The following CCDC82 variants were observed in gnomAD, a reference collection of about 807,000 sequenced individuals.
The protein encoded by CCDC82 is coiled-coil domain containing 82.
CCDC82 carries 47 observed loss-of-function variants against 60.6 expected under a neutral mutation model. The ratio of observed to expected loss-of-function variants is 0.77; its 90% CI spans 0.61 to 0.99. The LOEUF (loss-of-function observed/expected upper bound fraction) is 0.99, where lower values mean the gene tolerates loss of function less well. Ranked by LOEUF, CCDC82 falls within the 50% of genes least tolerant of loss-of-function variation. The pLI, the probability that CCDC82 is intolerant of heterozygous loss-of-function variation, is 0.00. For synonymous variants in CCDC82, 212 were observed against 207.4 expected, an observed-to-expected ratio of 1.02 and a Z score of -0.19; for missense variants, 588 against 633.0, an observed-to-expected ratio of 0.93 and a Z score of 0.76.
At chr11:96,380,515 C>T (rs932603587) in intron 5 of CCDC82, 1 of 151,692 alleles carries the variant, frequency 6.6e-6, no homozygotes, top group Non-Finnish European at 1.5e-5. Context: ...AACTTATGTC[C>T]ATAGAAAAAC....
chr11:96,364,611 A>C (rs1434410081), intron 8 of CCDC82: 1 of 154,286 alleles, frequency 6.5e-6, no homozygotes, highest in Non-Finnish European at 1.4e-5. Flanking sequence ...TAAGATTGAA[A>C]AAATAAATAG....
At chr11:96,364,693 C>T (rs1864853632) in intron 8 of CCDC82, 1 of 213,082 alleles carries the variant, frequency 4.7e-6, no homozygotes, top group South Asian at 1.1e-4. Context: ...AACACTTACT[C>T]TTCAGTTTTT....
At chr11:96,375,705 A>G (rs567117053) in intron 5 of CCDC82, among the ~76,000 whole-genome samples, 75 of 152,316 alleles carry the variant, frequency 4.9e-4, no homozygotes, top group Middle Eastern at 6.8e-3. Flanking sequence ...CTGGAACCCC[A>G]TCTAAGTCCA....
chr11:96,379,465 TAAC>T (rs139441179), intron 5 of CCDC82, among the ~76,000 whole-genome samples: 2,262 of 151,890 alleles, frequency 0.015, 59 homozygotes, highest in African/African-American at 0.051. Flanking sequence ...TATAGGAACT[TAAC>T]AATGAGTTCC....
At chr11:96,371,234 CA>C in intron 6 of CCDC82, 97 bp from the exon 7 acceptor site, 2 of 772,518 alleles carry the variant, frequency 2.6e-6, no homozygotes, top group Non-Finnish European at 1.9e-6. Flanking sequence ...TGGTTGGAAG[CA>C]TTTTAAATTA....
intron 5 of CCDC82, among the ~76,000 whole-genome samples, chr11:96,379,319 C>G (rs1865749002): frequency 6.6e-6 from 1 of 151,758 alleles, no homozygotes; most frequent in Non-Finnish European, 1.5e-5. Context: ...AAAATATCAA[C>G]TCAATCATAA....
chr11:96,365,876 T>A (rs2136107181), intron 7 of CCDC82, among the ~76,000 whole-genome samples: 1 of 151,788 alleles, frequency 6.6e-6, no homozygotes, highest in Admixed American at 6.5e-5. Context: ...ATATTTGAAC[T>A]GCACACAGTG....
At position 96,371,065 on chromosome 11, in the gene CCDC82, T is replaced by G. The variant is rs1353352572; in HGVS notation, c.1157A>C (p.Gln386Pro). 1 of 1,607,930 alleles carries G rather than the reference T, an allele frequency of 6.2e-7. No individual in the cohort carries two copies. Among genetic ancestry groups the G allele is most frequent in the Non-Finnish European group, 8.5e-7 (1 of 1,177,426 alleles). Residue 386 changes from glutamine (Q) to proline (P), a missense_variant, in exon 7 of 10, where the codon CAG (glutamine) becomes CCG (proline). Gln to Pro is a moderately conservative substitution (Grantham distance 76). Coordinates refer to ENST00000646818, the MANE Select transcript of CCDC82 (RefSeq NM_024725.4). Reference sequence around the variant, plus strand: ...AGATACCAAGCTCTCTAGACGAGGCTGAACAAAGCGGTTATCCAAATAATG... The same window carrying G: ...AGATACCAAGCTCTCTAGACGAGGCGGAACAAAGCGGTTATCCAAATAATG... The part of the protein sequence containing the change: ...SLHYLDNRFV[Q>P]PRLESLVSRS...
At chr11:96,370,214 T>C (rs1865187843) in intron 7 of CCDC82, among the ~76,000 whole-genome samples, 1 of 152,214 alleles carries the variant, frequency 6.6e-6, no homozygotes, top group African/African-American at 2.4e-5. Context: ...GAACTAATGA[T>C]TTAAGTGCTA....
chr11:96,380,110 T>C (rs1865790535), intron 5 of CCDC82, among the ~76,000 whole-genome samples: 1 of 151,748 alleles, frequency 6.6e-6, no homozygotes. Flanking sequence ...TAAAGGTATT[T>C]TGGCAATTAG....
Position 96,384,652 on chromosome 11 carries a change from ACTT to A in CCDC82, c.93_95del (p.Arg31del), listed in dbSNP as rs1190726603. ...CACTATCAAGTAATTGTGAGATACT[ACTT>A]CTTTTAGTTCGCCTCCAATCAACTC... On this transcript the variant is annotated inframe_deletion, in exon 4 of 10. Coordinates refer to ENST00000646818, the MANE Select transcript of CCDC82 (RefSeq NM_024725.4). 3 of 1,613,430 alleles carry A rather than the reference ACTT, an allele frequency of 1.9e-6. No homozygotes were observed. Among genetic ancestry groups the A allele is most frequent in the African/African-American group, 2.7e-5 (2 of 74,890 alleles).
chr11:96,358,886 A>G, intron 9 of CCDC82, 107 bp downstream of exon 9: 1 of 1,087,672 alleles, frequency 9.2e-7, no homozygotes, highest in Non-Finnish European at 1.3e-6. Context: ...ACGACAGAAG[A>G]AAGAGATTCT....
intron 7 of CCDC82, among the ~76,000 whole-genome samples, chr11:96,368,071 C>G (rs529083800): frequency 5.9e-4 from 90 of 152,050 alleles, no homozygotes; most frequent in Non-Finnish European, 1.0e-3. Context: ...TCCACCACCT[C>G]GGCCACCCAA....
intron 9 of CCDC82, chr11:96,356,281 G>A: frequency 3.4e-6 from 1 of 294,120 alleles, no homozygotes; most frequent in Non-Finnish European, 5.1e-6. Context: ...AAGTTGAAAA[G>A]GAGGGGAAAA....
intron 8 of CCDC82, among the ~76,000 whole-genome samples, chr11:96,362,910 T>C (rs1864739923): frequency 6.6e-6 from 1 of 152,158 alleles, no homozygotes; most frequent in African/African-American, 2.4e-5. Context: ...AATAAAGAAT[T>C]AGTCTTCAAA....
chr11:96,384,853 T>C (rs1866104471), intron 3 of CCDC82, 92 bp from the exon 4 acceptor site: 12 of 779,520 alleles, frequency 1.5e-5, no homozygotes, highest in Admixed American at 3.5e-5. Context: ...TTTGGCTTTA[T>C]TTAATGGTCC....
At position 96,378,432 on chromosome 11, in the gene CCDC82, A is replaced by T. The variant is rs532928467; in HGVS notation, c.991+4837T>A. On this transcript the variant is annotated intron_variant, in intron 5 of 9. Transcript: ENST00000646818. ...TAAATTTCACAGGTACTTTTTACTTATCCTAGAACAAGGGAAAGTTCTAAG... is the reference window on the plus strand; with the variant it reads ...TAAATTTCACAGGTACTTTTTACTTTTCCTAGAACAAGGGAAAGTTCTAAG... Among the ~76,000 whole-genome samples, 4 of 152,114 alleles carry T rather than the reference A, an allele frequency of 2.6e-5. No individual in the cohort carries two copies. The South Asian group carries it at 8.3e-4, about 32-fold the overall frequency.
At chr11:96,373,737 TAA>T (rs146871202) in intron 5 of CCDC82, among the ~76,000 whole-genome samples, 330 of 152,266 alleles carry the variant, frequency 2.2e-3, no homozygotes, top group African/African-American at 7.2e-3. Context: ...AATATTAAAA[TAA>T]GTTTAAAAAA....
intron 1 of CCDC82, chr11:96,387,949 AT>A (rs1866292067): frequency 6.6e-6 from 1 of 152,248 alleles, no homozygotes; most frequent in South Asian, 2.1e-4. Flanking sequence ...TGAGAAACAT[AT>A]TTTGGAAAAC....
Sources: gnomAD v4.1 joint callset for allele counts (sites outside exome capture counted in the v4.1 genomes callset) on GRCh38, gnomAD v4.1.1 for gene constraint, MANE v1.5 for transcripts, NCBI Gene and HGNC (gene_info 2026-07-23, HGNC 2026-07-21) for gene names.